C6orf118: variants seen among roughly 807,000 people sequenced by gnomAD.
C6orf118 encodes the protein uncharacterized protein C6orf118.
In C6orf118, 50 loss-of-function variants were observed where a neutral mutation model predicts 50.2. That is an observed-to-expected ratio of 1.00 (90% CI 0.79 to 1.26). The LOEUF (loss-of-function observed/expected upper bound fraction) is 1.26. Ranked by LOEUF, C6orf118 falls within the 50% of genes most tolerant of loss-of-function variation. The pLI is 0.00. For synonymous variants in C6orf118, 239 were observed against 230.9 expected (o/e 1.03, Z -0.32); for missense variants, 641 against 578.7 (o/e 1.11, Z -1.10).
intron 1 of C6orf118, among the ~76,000 whole-genome samples, chr6:165,306,960 G>T (rs1232654573): frequency 6.6e-6 from 1 of 152,062 alleles, no homozygotes; most frequent in African/African-American, 2.4e-5. Context: ...CTGCCTGAGA[G>T]AGAAAACAAA....
intron 6 of C6orf118, among the ~76,000 whole-genome samples, chr6:165,292,928 C>A (rs1226950216): frequency 3.3e-5 from 5 of 152,220 alleles, no homozygotes; most frequent in Non-Finnish European, 7.4e-5. Flanking sequence ...GCATATCCTA[C>A]CAGACGCTGA....
intron 1 of C6orf118, among the ~76,000 whole-genome samples, chr6:165,307,987 G>T (rs1178674183): frequency 2.0e-5 from 3 of 152,186 alleles, no homozygotes; most frequent in Non-Finnish European, 4.4e-5. Context: ...ATAAACATCT[G>T]TTGCCCCACG....
rs560993414 is a variant in C6orf118, at chr6:165,297,591, T to C, written c.1061+386A>G. Among the ~76,000 whole-genome samples, 12 of 152,244 alleles carry C rather than the reference T, an allele frequency of 7.9e-5. No individual in the cohort carries two copies. In the South Asian group the frequency reaches 8.3e-4, roughly 11 times the overall value. ...CATACAAAGAGTATGCCCTATCCAA[T>C]TGTTATTCGACCCCGGAAAATGATA... On this transcript the variant is annotated intron_variant, in intron 5 of 8. Transcript: ENST00000230301.
chr6:165,297,461 T>C (rs1780350623), intron 5 of C6orf118, among the ~76,000 whole-genome samples: 1 of 151,964 alleles, frequency 6.6e-6, no homozygotes, highest in Non-Finnish European at 1.5e-5. Context: ...TTCTCTGTCT[T>C]CTGGTTACAC....
At chr6:165,301,194 T>C (rs1169369267) in intron 2 of C6orf118, among the ~76,000 whole-genome samples, 1 of 152,056 alleles carries the variant, frequency 6.6e-6, no homozygotes. Flanking sequence ...CAGTGCTGCA[T>C]CCTGCCTGGA....
At chr6:165,302,953 T>C (rs974972788) in intron 1 of C6orf118, among the ~76,000 whole-genome samples, 50 of 152,216 alleles carry the variant, frequency 3.3e-4, no homozygotes, top group African/African-American at 1.2e-3. Context: ...TCATAAATTC[T>C]ACCCATTTTT....
intron 5 of C6orf118, 73 bp from the exon 6 acceptor site, chr6:165,293,544 C>T: frequency 8.2e-7 from 1 of 1,212,572 alleles, no homozygotes; most frequent in Non-Finnish European, 1.2e-6. Flanking sequence ...CTGGGTTACA[C>T]CACAAGTCTC....
At chr6:165,302,541 A>G (rs1780598399) in intron 1 of C6orf118, among the ~76,000 whole-genome samples, 1 of 152,212 alleles carries the variant, frequency 6.6e-6, no homozygotes, top group African/African-American at 2.4e-5. Flanking sequence ...AGGACCGTCA[A>G]AGCCAATAAG....
intron 7 of C6orf118, among the ~76,000 whole-genome samples, chr6:165,283,490 G>A (rs1387565290): frequency 6.6e-6 from 1 of 152,214 alleles, no homozygotes; most frequent in Non-Finnish European, 1.5e-5. Context: ...GGGGCAGTCA[G>A]AGTGCTTCGT....
chr6:165,301,960 C>A lies in C6orf118; in HGVS notation c.362G>T (p.Ser121Ile), dbSNP rs370196350. The change falls in exon 2 of 9, where the codon AGT (serine) becomes ATT (isoleucine). Residue 121 changes from serine to isoleucine, a missense_variant. Transcript: ENST00000230301. ...HFTIHTALVP[S>I]EAQDTPLFRY... ...GAACAGCGGGGTGTCCTGGGCCTCA[C>A]TGGGGACCAGGGCCGTGTGGATGGT... 145 of 1,613,732 alleles carry A rather than the reference C, an allele frequency of 9.0e-5. No homozygotes were observed. The highest frequency in any genetic ancestry group is 1.2e-4 in the Non-Finnish European group (145 of 1,180,000).
chr6:165,281,509 T>C, intron 8 of C6orf118, 131 bp downstream of exon 8: 1 of 1,418,178 alleles, frequency 7.1e-7, no homozygotes, highest in Non-Finnish European at 9.2e-7. Context: ...ATCTTTCCTA[T>C]GATCTGCTTC....
In C6orf118 at chr6:165,300,403, G is replaced by T; in HGVS notation, c.837C>A (p.Asn279Lys). 6.2e-7 allele frequency: 1 copy of T among 1,613,856 alleles called. No individual in the cohort carries two copies. Among genetic ancestry groups the T allele is most frequent in the South Asian group, 1.1e-5 (1 of 91,058 alleles). The change falls in exon 3 of 9, where the codon AAC (asparagine) becomes AAA (lysine). Residue 279 changes from asparagine (N) to lysine (K), a missense_variant. Physicochemically the swap from Asn to Lys is moderately conservative, Grantham distance 94. Coordinates refer to ENST00000230301, the MANE Select transcript of C6orf118 (RefSeq NM_144980.4). Reference sequence around the variant, plus strand: ...AGAGATCACCAAATATCAAAGAACTGTTACAAATATCTTCAAAGACTTTTC... The same window carrying T: ...AGAGATCACCAAATATCAAAGAACTTTTACAAATATCTTCAAAGACTTTTC... ...VFGKVFEDIC[N>K]SSLIFGDLLK...
chr6:165,292,523 GT>G (rs1780140992), intron 6 of C6orf118, among the ~76,000 whole-genome samples: 1 of 151,878 alleles, frequency 6.6e-6, no homozygotes, highest in Admixed American at 6.6e-5. Context: ...CTGCTTTTTT[GT>G]TTTTTTGTTT....
At chr6:165,294,258 A>AAAC (rs1562328613) in intron 5 of C6orf118, among the ~76,000 whole-genome samples, 2 of 148,106 alleles carry the variant, frequency 1.4e-5, no homozygotes, top group Non-Finnish European at 3.0e-5. Context: ...AAAAAGCAAA[A>AAAC]AAAAAAAAAC....
chr6:165,303,574 C>G (rs1250064725), intron 1 of C6orf118, among the ~76,000 whole-genome samples: 2 of 128,788 alleles, frequency 1.6e-5, no homozygotes, highest in Non-Finnish European at 3.2e-5. Flanking sequence ...AGACCGCTAG[C>G]AAGACTAATA....
chr6:165,283,483 G>T (rs1325509725), intron 7 of C6orf118, among the ~76,000 whole-genome samples: 3 of 152,228 alleles, frequency 2.0e-5, no homozygotes, highest in Admixed American at 6.5e-5. Flanking sequence ...CCACCAAGGG[G>T]CAGTCAGAGT....
At chr6:165,283,978 T>C (rs751570275) in intron 7 of C6orf118, among the ~76,000 whole-genome samples, 1 of 152,208 alleles carries the variant, frequency 6.6e-6, no homozygotes, top group Non-Finnish European at 1.5e-5. Flanking sequence ...GAGGCTGAGA[T>C]GGATGAACTG....
intron 8 of C6orf118, 141 bp downstream of exon 8, chr6:165,281,499 A>T: frequency 7.1e-7 from 1 of 1,407,036 alleles, no homozygotes; most frequent in Non-Finnish European, 9.3e-7. Flanking sequence ...CTCTTCACTG[A>T]TCTTTCCTAT....
intron 7 of C6orf118, among the ~76,000 whole-genome samples, chr6:165,284,695 G>A (rs995227061): frequency 3.3e-4 from 50 of 152,190 alleles, no homozygotes; most frequent in Admixed American, 5.2e-4. Context: ...AAAATAATTT[G>A]CAACCCAGAA....
Sources: allele counts gnomAD v4.1 joint callset (sites outside exome capture counted in the v4.1 genomes callset), GRCh38; gene constraint gnomAD v4.1.1; transcripts MANE v1.5; gene names NCBI Gene and HGNC (gene_info 2026-07-23, HGNC 2026-07-21).